The following RNLS variants were observed in gnomAD, a reference collection of about 807,000 sequenced individuals.
The protein encoded by RNLS is renalase, FAD dependent amine oxidase.
A neutral mutation model predicts 39.8 loss-of-function variants in RNLS; 39 were observed. The ratio of observed to expected loss-of-function variants is 0.98; its 90% CI spans 0.76 to 1.28. RNLS has a LOEUF of 1.28. Ranked by LOEUF, RNLS falls within the 50% of genes most tolerant of loss-of-function variation. RNLS has a pLI of 0.00. For missense variants in RNLS, 410 were observed against 413.3 expected (o/e 0.99, Z 0.07); for synonymous variants, 147 against 150.7 (o/e 0.98, Z 0.18).
At chr10:88,458,963 A>T (rs1211265485) in intron 4 of RNLS, among the ~76,000 whole-genome samples, 6 of 152,198 alleles carry the variant, frequency 3.9e-5, no homozygotes, top group African/African-American at 1.4e-4. Flanking sequence ...AAAGAAGGGC[A>T]GACTACCTGG....
the RNLS span, among the ~76,000 whole-genome samples, chr10:88,203,456 GTATATATATATATATATATA>G: frequency 1.7e-3 from 2 of 1,206 alleles, 1 homozygote; most frequent in African/African-American, 9.7e-3. Flanking sequence ...GTGTGTGTGT[GTATATATATATATATATATA>G]TATATATATA....
At chr10:88,543,843 T>C (rs1848165170) in intron 4 of RNLS, among the ~76,000 whole-genome samples, 1 of 152,180 alleles carries the variant, frequency 6.6e-6, no homozygotes, top group Non-Finnish European at 1.5e-5. Context: ...ATAAAATATA[T>C]ATTATTTGCT....
At chr10:88,428,199 G>T (rs1484431157) in intron 4 of RNLS, among the ~76,000 whole-genome samples, 1 of 151,926 alleles carries the variant, frequency 6.6e-6, no homozygotes, top group African/African-American at 2.4e-5. Context: ...TTCTCATGAA[G>T]ATGTGCAAGT....
the RNLS span, among the ~76,000 whole-genome samples, chr10:88,184,957 C>T: frequency 6.6e-6 from 1 of 152,092 alleles, no homozygotes; most frequent in Non-Finnish European, 1.5e-5. Context: ...TTTCTTTGTG[C>T]ATTGGTCCCT....
chr10:88,494,690 G>A (rs1309837750), intron 4 of RNLS, among the ~76,000 whole-genome samples: 2 of 152,138 alleles, frequency 1.3e-5, no homozygotes, highest in Non-Finnish European at 2.9e-5. Flanking sequence ...AAGAGGATTA[G>A]AGTTGGGCCT....
the RNLS span, among the ~76,000 whole-genome samples, chr10:88,265,330 T>TC: frequency 5.1e-3 from 669 of 131,474 alleles, 3 homozygotes; most frequent in South Asian, 0.036. Context: ...TTTCTTTTTT[T>TC]TTTTTTTTTT....
chr10:88,573,575 G>A (rs1439459084), intron 3 of RNLS, among the ~76,000 whole-genome samples: 2 of 152,058 alleles, frequency 1.3e-5, no homozygotes, highest in Non-Finnish European at 2.9e-5. Flanking sequence ...ACCTGAAAAA[G>A]GTTCTCTGTA....
At chr10:88,566,195 T>C (rs1849494833) in intron 4 of RNLS, among the ~76,000 whole-genome samples, 2 of 151,958 alleles carry the variant, frequency 1.3e-5, no homozygotes, top group Admixed American at 1.3e-4. Flanking sequence ...AAAAAATATA[T>C]AAATACATAC....
At chr10:88,329,024 G>T (rs1846868022) in intron 5 of RNLS, among the ~76,000 whole-genome samples, 1 of 151,594 alleles carries the variant, frequency 6.6e-6, no homozygotes, top group South Asian at 2.1e-4. Context: ...TTAAAGATAT[G>T]ATACCAATGT....
intron 5 of RNLS, among the ~76,000 whole-genome samples, chr10:88,332,517 A>C (rs564891373): frequency 6.6e-6 from 1 of 152,238 alleles, no homozygotes; most frequent in African/African-American, 2.4e-5. Context: ...AGTTGTTTAC[A>C]TATCTAGTTA....
intron 4 of RNLS, among the ~76,000 whole-genome samples, chr10:88,374,380 T>C (rs1004654144): frequency 6.6e-6 from 1 of 152,164 alleles, no homozygotes; most frequent in Non-Finnish European, 1.5e-5. Context: ...GTATATAATT[T>C]AATGCAATTA....
chr10:88,364,811 T>C (rs1465136283), intron 4 of RNLS, among the ~76,000 whole-genome samples: 1 of 152,168 alleles, frequency 6.6e-6, no homozygotes, highest in Non-Finnish European at 1.5e-5. Context: ...TTTAAAGTTA[T>C]GGCTTGATAT....
intron 4 of RNLS, among the ~76,000 whole-genome samples, chr10:88,450,649 A>C (rs1276104796): frequency 1.3e-5 from 2 of 152,204 alleles, no homozygotes; most frequent in African/African-American, 4.8e-5. Context: ...CTTTGTTGGA[A>C]TGCAGATCAT....
intron 4 of RNLS, among the ~76,000 whole-genome samples, chr10:88,406,387 A>G: frequency 6.6e-6 from 1 of 152,040 alleles, no homozygotes; most frequent in East Asian, 1.9e-4. Context: ...GTTTAACATA[A>G]ACCCAGACTT....
chr10:88,271,905 C>T (rs1379279857), downstream of RNLS, among the ~76,000 whole-genome samples: 3 of 152,188 alleles, frequency 2.0e-5, no homozygotes, highest in Non-Finnish European at 4.4e-5. Context: ...CCACGAAGGC[C>T]AGGACAGATA....
chr10:88,317,970 T>TGGATCACGG (rs1845889648), intron 5 of RNLS, among the ~76,000 whole-genome samples: 1 of 152,226 alleles, frequency 6.6e-6, no homozygotes, highest in Admixed American at 6.5e-5. Flanking sequence ...CTCTGCCCTC[T>TGGATCACGG]GGATCACGGG....
intron 5 of RNLS, among the ~76,000 whole-genome samples, chr10:88,320,999 T>C (rs1293795900): frequency 6.6e-6 from 1 of 151,568 alleles, no homozygotes; most frequent in African/African-American, 2.4e-5. Flanking sequence ...GAATGTATGT[T>C]TTTCTCATCT....
chr10:88,438,188 A>G (rs1841519436), intron 4 of RNLS, among the ~76,000 whole-genome samples: 1 of 151,724 alleles, frequency 6.6e-6, no homozygotes, highest in African/African-American at 2.4e-5. Context: ...ACTTTGTCAT[A>G]TCTGGATGTG....
At chr10:88,395,418 A>T (rs1451127174) in intron 4 of RNLS, among the ~76,000 whole-genome samples, 1 of 151,984 alleles carries the variant, frequency 6.6e-6, no homozygotes, top group Non-Finnish European at 1.5e-5. Context: ...TATAAAATAG[A>T]GCAAAACAGA....
Sources: allele counts gnomAD v4.1 joint callset (sites outside exome capture counted in the v4.1 genomes callset), GRCh38; gene constraint gnomAD v4.1.1; transcripts MANE v1.5; gene names NCBI Gene and HGNC (gene_info 2026-07-23, HGNC 2026-07-21).